DPYSL2: variants seen among roughly 807,000 people sequenced by gnomAD.
The protein encoded by DPYSL2 is dihydropyrimidinase like 2.
DPYSL2 carries 13 observed loss-of-function variants against 69.9 expected under a neutral mutation model. The ratio of observed to expected loss-of-function variants is 0.19; its 90% CI spans 0.12 to 0.30. The LOEUF is 0.30. Ranked by LOEUF, DPYSL2 falls within the 10% of genes least tolerant of loss-of-function variation. The pLI is 1.00. For synonymous variants in DPYSL2, 326 were observed against 359.1 expected, an observed-to-expected ratio of 0.91 and a Z score of 1.04; for missense variants, 587 against 918.9, an observed-to-expected ratio of 0.64 and a Z score of 4.67.
chr8:26,655,332 C>A (rs1482134306), intron 13 of DPYSL2, among the ~76,000 whole-genome samples: 2 of 151,952 alleles, frequency 1.3e-5, no homozygotes, highest in African/African-American at 4.8e-5. Context: ...CCCCTCTTTA[C>A]AAAAAATTTA....
At chr8:26,634,405 C>T (rs1167920597) in intron 7 of DPYSL2, among the ~76,000 whole-genome samples, 4 of 145,480 alleles carry the variant, frequency 2.7e-5, no homozygotes, top group Non-Finnish European at 6.0e-5. Flanking sequence ...GCTGGGATTA[C>T]AGTCACCTGC....
rs1214459494 is a variant in DPYSL2 at position 26,647,162 on chromosome 8, A to G, written c.1426-468A>G. Reference sequence around the variant, plus strand: ...AAGCAGTTGCAAAGATAGTACAGAGAGAGGTCCCGGGTACCCTTCACCCAG... The same window carrying G: ...AAGCAGTTGCAAAGATAGTACAGAGGGAGGTCCCGGGTACCCTTCACCCAG... On this transcript the variant is annotated intron_variant, in intron 10 of 13. Coordinates refer to ENST00000521913, the MANE Select transcript of DPYSL2 (RefSeq NM_001197293.3). The surrounding 1 kb of genome is among the most constrained non-coding windows in gnomAD (Gnocchi z 5.1). 6.6e-6 allele frequency among the ~76,000 whole-genome samples: 1 copy of G among 152,200 alleles called. No homozygotes were observed. Among genetic ancestry groups the G allele is most frequent in the Non-Finnish European group, 1.5e-5 (1 of 68,020 alleles).
intron 7 of DPYSL2, among the ~76,000 whole-genome samples, chr8:26,631,236 G>A (rs748069309): frequency 1.4e-4 from 22 of 152,204 alleles, no homozygotes; most frequent in Admixed American, 3.3e-4. Flanking sequence ...AATTTATAAA[G>A]AAAAGAGATT....
At position 26,627,219 on chromosome 8, in the gene DPYSL2, A is replaced by G; in HGVS notation, c.860A>G (p.Tyr287Cys). ...CCACCCTTGTCTCTCTCTCAGATTT[A>G]TGAAGTACTGAGTGTGATCCGGGAT... ...DRFQLTDCQI[Y>C]EVLSVIRDIG... Residue 287 changes from tyrosine (Y) to cysteine (C), a missense_variant, in exon 6 of 14, where the codon TAT becomes TGT. By Grantham distance (194) the Tyr-to-Cys change is radical. Around this residue, in one of 3 missense-constraint regions of DPYSL2, gnomAD observed 452 missense variants for 754.3 expected, o/e 0.60. Transcript: ENST00000521913. The surrounding 1 kb of genome is among the most constrained non-coding windows in gnomAD (Gnocchi z 6.9). The G allele has an allele frequency of 1.2e-6, 2 of 1,614,190 alleles. No individual in the cohort carries two copies. The highest frequency in any genetic ancestry group is 8.5e-7 in the Non-Finnish European group (1 of 1,180,002).
chr8:26,649,617 A>G (rs1471634642), intron 11 of DPYSL2, among the ~76,000 whole-genome samples: 1 of 152,246 alleles, frequency 6.6e-6, no homozygotes, highest in Non-Finnish European at 1.5e-5. Flanking sequence ...TCTTCTGGGA[A>G]AATGCAACCA....
At chr8:26,623,076 T>C (rs1802534539) in intron 3 of DPYSL2, among the ~76,000 whole-genome samples, 1 of 152,220 alleles carries the variant, frequency 6.6e-6, no homozygotes, top group African/African-American at 2.4e-5. Context: ...GTCCTGGTAA[T>C]CCTCCTGCCA....
chr8:26,542,723 G>A (rs1202922368), intron 1 of DPYSL2, among the ~76,000 whole-genome samples: 1 of 152,070 alleles, frequency 6.6e-6, no homozygotes, highest in African/African-American at 2.4e-5. Context: ...ACCACACCTG[G>A]CCTAACTTTT....
Position 26,647,671 on chromosome 8 carries a change from C to A in DPYSL2, c.1467C>A (p.Thr489=). The stretch of plus-strand genomic sequence containing the variant: ...ATGAGAACCAGTTTGTGGCTGTGAC[C>A]AGCACCAATGCAGCCAAAGTCTTCA... ...KMDENQFVAV[T]STNAAKVFNL... The change falls in exon 11 of 14, where the codon ACC becomes ACA. Residue 489 remains threonine (T), a synonymous_variant. Transcript: ENST00000521913. This position sits in a 1 kb window ranked among gnomAD's most constrained non-coding sequence, Gnocchi z 5.1. The A allele has an allele frequency of 6.2e-7, 1 of 1,613,948 alleles. No homozygotes were observed. Among genetic ancestry groups the A allele is most frequent in the Middle Eastern group, 1.6e-4 (1 of 6,062 alleles).
intron 1 of DPYSL2, among the ~76,000 whole-genome samples, chr8:26,552,014 A>G (rs1192117266): frequency 2.0e-5 from 3 of 152,004 alleles, no homozygotes; most frequent in Non-Finnish European, 2.9e-5. Flanking sequence ...CGGTCTGACT[A>G]TGTTGCCAAT....
In DPYSL2 at chr8:26,587,781, C is replaced by G. The variant is rs1801638425; in HGVS notation, c.628+3798C>G. Among the ~76,000 whole-genome samples, 1 of 152,098 alleles carries G rather than the reference C, an allele frequency of 6.6e-6. No individual in the cohort carries two copies. Among genetic ancestry groups the G allele is most frequent in the African/African-American group, 2.4e-5 (1 of 41,420 alleles). On this transcript the variant is annotated intron_variant, in intron 3 of 13. Coordinates refer to ENST00000521913, the MANE Select transcript of DPYSL2 (RefSeq NM_001197293.3). The surrounding 1 kb of genome is among the most constrained non-coding windows in gnomAD (Gnocchi z 4.2). ...AGGGGTTGCGGGGGCGGCCGCATTG[C>G]TGCTTGGGGAAAACCCTACGGACTT...
Position 26,640,049 on chromosome 8 carries a change from C to T in DPYSL2, c.1127-3390C>T, listed in dbSNP as rs1803006303. ...CGTGTGTAACTGTCTGTCTGTCTGT[C>T]CATCCCAGTTGGTTTTCACTGTGCT... On this transcript the variant is annotated intron_variant, in intron 8 of 13. Transcript: ENST00000521913. This position sits in a 1 kb window ranked among gnomAD's most constrained non-coding sequence, Gnocchi z 4.2. 6.6e-6 allele frequency among the ~76,000 whole-genome samples: 1 copy of T among 152,200 alleles called. No individual in the cohort carries two copies. The highest frequency in any genetic ancestry group is 6.5e-5 in the Admixed American group (1 of 15,282).
At chr8:26,532,799 T>A (rs552808093) in intron 1 of DPYSL2, among the ~76,000 whole-genome samples, 3 of 152,324 alleles carry the variant, frequency 2.0e-5, no homozygotes, top group East Asian at 3.9e-4. Context: ...TTGTTTCCAC[T>A]TTTTAGCTAT....
rs1346210368 is a variant in DPYSL2 at position 26,654,926 on chromosome 8, C to T, written c.1943-689C>T. On this transcript the variant is annotated intron_variant, in intron 13 of 13. Transcript: ENST00000521913. The surrounding 1 kb of genome is among the most constrained non-coding windows in gnomAD (Gnocchi z 5.0). ...GTGCAATCACAGCTCACTGCAGCCT[C>T]GACCTCCTGGGCTCAAGTGATCCTC... 3.9e-5 allele frequency among the ~76,000 whole-genome samples: 6 copies of T among 152,162 alleles called. No homozygotes were observed. The highest frequency in any genetic ancestry group is 1.4e-4 in the African/African-American group (6 of 41,440).
chr8:26,652,230 C>G lies in DPYSL2; in HGVS notation c.1597-27C>G. On this transcript the variant is annotated intron_variant, in intron 11 of 13. Transcript: ENST00000521913. The surrounding 1 kb of genome is among the most constrained non-coding windows in gnomAD (Gnocchi z 6.3). The stretch of plus-strand genomic sequence containing the variant: ...TTGAGTCCAGCCAGAGTGGCCTGTT[C>G]TAGAGTTTACTTTGCCTTCTTCTCA... 6.2e-7 allele frequency: 1 copy of G among 1,600,638 alleles called. No individual in the cohort carries two copies. The highest frequency in any genetic ancestry group is 8.5e-7 in the Non-Finnish European group (1 of 1,172,840).
rs1332832429 is a variant in DPYSL2 at position 26,648,256 on chromosome 8, T to A, written c.1596+456T>A. Among the ~76,000 whole-genome samples the A allele has an allele frequency of 1.3e-5, 2 of 152,190 alleles. No homozygotes were observed. The highest frequency in any genetic ancestry group is 2.9e-5 in the Non-Finnish European group (2 of 68,022). On this transcript the variant is annotated intron_variant, in intron 11 of 13. Transcript: ENST00000521913. The surrounding 1 kb of genome is among the most constrained non-coding windows in gnomAD (Gnocchi z 4.3). ...GCCAGTATCCATGCAGAAAACTGGA[T>A]GACAGCCATTCTTATTATCTTAAAG... is the stretch of plus-strand genomic sequence containing the variant.
rs138739395 is a variant in DPYSL2 at position 26,624,979 on chromosome 8, C to A, written c.793+672C>A. ...GGTCTCGCTGGGCTTGGCTAGAGAC[C>A]AGATTAACTTCACTGGATCTTAGTG... On this transcript the variant is annotated intron_variant, in intron 4 of 13. Transcript: ENST00000521913. The surrounding 1 kb of genome is among the most constrained non-coding windows in gnomAD (Gnocchi z 4.7). 8.2e-4 allele frequency among the ~76,000 whole-genome samples: 125 copies of A among 152,190 alleles called. 4 individuals carry two copies. The East Asian group carries it at 0.022, about 27-fold the overall frequency.
chr8:26,528,720 G>A (rs1269545501), intron 1 of DPYSL2, among the ~76,000 whole-genome samples: 1 of 152,082 alleles, frequency 6.6e-6, no homozygotes, highest in African/African-American at 2.4e-5. Flanking sequence ...CTGGAAACAG[G>A]AGGCACTGAA....
At chr8:26,592,559 T>C (rs1585531296) in intron 3 of DPYSL2, among the ~76,000 whole-genome samples, 1 of 149,972 alleles carries the variant, frequency 6.7e-6, no homozygotes, top group South Asian at 2.1e-4. Flanking sequence ...CACTGCAACC[T>C]CCACCTCCCA....
rs1802391610 is a variant in DPYSL2 at position 26,617,867 on chromosome 8, G to A, written c.629-6276G>A. Among the ~76,000 whole-genome samples the A allele has an allele frequency of 6.6e-6, 1 of 152,178 alleles. No individual in the cohort carries two copies. The highest frequency in any genetic ancestry group is 6.5e-5 in the Admixed American group (1 of 15,286). ...TAGCAGGGGTAGGAGGGAATGGGGA[G>A]TGACTGTAAGTGGGTACCAGGTTTC... On this transcript the variant is annotated intron_variant, in intron 3 of 13. Coordinates refer to ENST00000521913, the MANE Select transcript of DPYSL2 (RefSeq NM_001197293.3). The surrounding 1 kb of genome is among the most constrained non-coding windows in gnomAD (Gnocchi z 4.7).
Sources: allele counts gnomAD v4.1 joint callset (sites outside exome capture counted in the v4.1 genomes callset), GRCh38; gene constraint gnomAD v4.1.1; regional missense constraint gnomAD v4.1.1; non-coding constraint Gnocchi (gnomAD v3.1); transcripts MANE v1.5; gene names NCBI Gene and HGNC (gene_info 2026-07-23, HGNC 2026-07-21).